The following KIF9 variants were observed in gnomAD, a reference collection of about 807,000 sequenced individuals.
KIF9 encodes kinesin family member 9.
KIF9 carries 68 observed loss-of-function variants against 94.8 expected under a neutral mutation model. That is an observed-to-expected ratio of 0.72 (90% CI 0.59 to 0.88). The LOEUF (loss-of-function observed/expected upper bound fraction) is 0.88. KIF9 is among the 40% of genes least tolerant of loss of function. The probability of loss-of-function intolerance (pLI) is 0.00; values close to 1 mark genes in which losing one functional copy is unlikely to be tolerated. For missense variants in KIF9, 882 were observed against 982.5 expected, an observed-to-expected ratio of 0.90 and a Z score of 1.37; for synonymous variants, 343 against 362.1, an observed-to-expected ratio of 0.95 and a Z score of 0.60.
At chr3:47,254,000 T>C (rs896754020) in intron 10 of KIF9, among the ~76,000 whole-genome samples, 4 of 152,220 alleles carry the variant, frequency 2.6e-5, no homozygotes, top group African/African-American at 9.6e-5. Context: ...ACTGCTGCTC[T>C]GTAGAAGGGA....
At chr3:47,249,669 C>T (rs1293547677) in intron 10 of KIF9, among the ~76,000 whole-genome samples, 3 of 152,310 alleles carry the variant, frequency 2.0e-5, no homozygotes, top group African/African-American at 7.2e-5. Context: ...CCCTGGAATT[C>T]TCTTCTCCTA....
At chr3:47,250,403 C>G (rs76760534) in intron 10 of KIF9, 2,552 of 204,576 alleles carry the variant, frequency 0.012, 25 homozygotes, top group Middle Eastern at 0.039. Flanking sequence ...AGACTGCAAG[C>G]TCAGAGATTT....
intron 10 of KIF9, among the ~76,000 whole-genome samples, chr3:47,249,856 G>A (rs1373466460): frequency 6.6e-6 from 1 of 152,052 alleles, no homozygotes; most frequent in South Asian, 2.1e-4. Flanking sequence ...TCAGGAGTTC[G>A]AGACCACCCT....
chr3:47,265,664 G>A, intron 8 of KIF9, 66 bp downstream of exon 8: 1 of 1,548,248 alleles, frequency 6.5e-7, no homozygotes, highest in African/African-American at 1.4e-5. Context: ...AGTGGCAGAT[G>A]TGCCAAACCT....
chr3:47,273,785 A>G lies in KIF9; in HGVS notation c.260-127T>C, dbSNP rs1447513690. On this transcript the variant is annotated intron_variant, in intron 3 of 20. Transcript: ENST00000684063. Reference sequence around the variant, plus strand: ...AGATGGCCAGTGGGGGCAGCCAAGAACATCAGGAATTCCACCATGGAAGAG... The same window carrying G: ...AGATGGCCAGTGGGGGCAGCCAAGAGCATCAGGAATTCCACCATGGAAGAG... 5.1e-6 allele frequency: 4 copies of G among 781,462 alleles called. No individual in the cohort carries two copies. In the African/African-American group the frequency reaches 6.8e-5, roughly 13 times the overall value. The allele number at this position is 781,462 out of a possible 1,614,324, so 48.4% of individuals were successfully genotyped here.
At position 47,277,186 on chromosome 3, in the gene KIF9, T is replaced by A. The variant is rs1004939100; in HGVS notation, c.93+96A>T. The A allele has an allele frequency of 2.5e-5, 21 of 839,988 alleles. No homozygotes were observed. In the African/African-American group the frequency reaches 3.5e-4, roughly 14 times the overall value. The allele number at this position is 839,988 out of a possible 1,614,324, so 52.0% of individuals were successfully genotyped here. A position where few individuals can be genotyped will look rare whatever the true frequency, so the allele number is the denominator to read the frequency against. ...GTCCATTGGATCCTGTCCAATTCTG[T>A]CTTGGTCCTTCAAAGGTTGCTTGGA... On this transcript the variant is annotated intron_variant, in intron 2 of 20. Coordinates refer to ENST00000684063, the MANE Select transcript of KIF9 (RefSeq NM_182902.4).
chr3:47,248,984 C>T (rs1383978364), intron 10 of KIF9, among the ~76,000 whole-genome samples: 1 of 152,150 alleles, frequency 6.6e-6, no homozygotes, highest in Non-Finnish European at 1.5e-5. Context: ...AATCCTCTCG[C>T]CTCGGCCTCC....
chr3:47,236,203 G>C (rs1699014360), intron 18 of KIF9, 54 bp from the exon 19 acceptor site: 2 of 1,328,444 alleles, frequency 1.5e-6, no homozygotes, highest in Admixed American at 3.4e-5. Flanking sequence ...GCTGTGTGCT[G>C]TCATCTGTCT....
chr3:47,265,573 G>C (rs1701239378), intron 8 of KIF9, among the ~76,000 whole-genome samples, 157 bp downstream of exon 8: 1 of 152,194 alleles, frequency 6.6e-6, no homozygotes, highest in East Asian at 1.9e-4. Flanking sequence ...GCTTGATTCT[G>C]CCTTTCCAGG....
intron 13 of KIF9, chr3:47,245,893 A>G (rs571576956): frequency 2.3e-4 from 110 of 474,056 alleles, no homozygotes; most frequent in South Asian, 5.2e-4. Flanking sequence ...GACTATGGGT[A>G]TGTTTGCACC....
chr3:47,266,841 C>A (rs1701315935), intron 7 of KIF9, 135 bp downstream of exon 7: 1 of 718,178 alleles, frequency 1.4e-6, no homozygotes, highest in East Asian at 2.6e-5. Flanking sequence ...TCCAGCAAGC[C>A]CACATGTCCC....
intron 16 of KIF9, among the ~76,000 whole-genome samples, chr3:47,242,124 T>G (rs1699612235): frequency 6.6e-6 from 1 of 151,598 alleles, no homozygotes; most frequent in South Asian, 2.1e-4. Context: ...AAGCAATCCT[T>G]TCGCCTTGGC....
intron 10 of KIF9, among the ~76,000 whole-genome samples, chr3:47,248,947 G>A (rs1382648222): frequency 6.6e-6 from 1 of 152,002 alleles, no homozygotes; most frequent in Non-Finnish European, 1.5e-5. Flanking sequence ...TGTTGCCCAT[G>A]CTGGTATCAC....
chr3:47,265,513 C>T (rs1270173682), intron 8 of KIF9, among the ~76,000 whole-genome samples: 3 of 152,160 alleles, frequency 2.0e-5, no homozygotes, highest in Non-Finnish European at 4.4e-5. Context: ...AGGTAAAAAG[C>T]CTAAGGAAGG....
intron 4 of KIF9, among the ~76,000 whole-genome samples, chr3:47,271,993 G>A (rs1250109080): frequency 3.9e-5 from 6 of 152,038 alleles, no homozygotes; most frequent in African/African-American, 1.4e-4. Flanking sequence ...GGTGGCGTGC[G>A]CCTGTAGTCC....
intron 9 of KIF9, among the ~76,000 whole-genome samples, chr3:47,261,360 A>C (rs1482358382): frequency 6.6e-6 from 1 of 152,208 alleles, no homozygotes; most frequent in Admixed American, 6.5e-5. Context: ...AGGGGGAGCC[A>C]GCCAAGGATA....
chr3:47,282,039 T>C (rs978847746), intron 1 of KIF9: 1 of 235,992 alleles, frequency 4.2e-6, no homozygotes, highest in Non-Finnish European at 6.9e-6. Context: ...AAAACTAGAC[T>C]TTCTCCTTTT....
chr3:47,272,337 T>C (rs1701702501), intron 4 of KIF9, among the ~76,000 whole-genome samples: 1 of 152,174 alleles, frequency 6.6e-6, no homozygotes, highest in Non-Finnish European at 1.5e-5. Flanking sequence ...GTATCTAAAA[T>C]GTGGCTAGTA....
At chr3:47,238,955 G>A (rs556898403) in intron 17 of KIF9, among the ~76,000 whole-genome samples, 30 of 152,176 alleles carry the variant, frequency 2.0e-4, no homozygotes, top group Non-Finnish European at 4.0e-4. Context: ...GAGCCACCGC[G>A]CCCAGCCGAA....
Sources: gnomAD v4.1 joint callset for allele counts (sites outside exome capture counted in the v4.1 genomes callset) on GRCh38, gnomAD v4.1.1 for gene constraint, MANE v1.5 for transcripts, NCBI Gene and HGNC (gene_info 2026-07-23, HGNC 2026-07-21) for gene names.